Variants in SGCZ observed in about 807,000 individuals in gnomAD.
SGCZ encodes the protein zeta-sarcoglycan.
SGCZ carries 40 observed loss-of-function variants against 41.3 expected under a neutral mutation model. That is an observed-to-expected ratio of 0.97 (90% CI 0.75 to 1.26). The LOEUF (loss-of-function observed/expected upper bound fraction) is 1.26. Among genes scored for constraint, SGCZ ranks in the 50% most tolerant of loss-of-function variants. SGCZ has a pLI of 0.00. For missense variants in SGCZ, 552 were observed against 369.8 expected, an observed-to-expected ratio of 1.49 and a Z score of -4.04; for synonymous variants, 206 against 137.5, an observed-to-expected ratio of 1.50 and a Z score of -3.49.
intron 5 of SGCZ, among the ~76,000 whole-genome samples, chr8:14,112,849 T>C (rs1251957939): frequency 1.3e-5 from 2 of 151,952 alleles, no homozygotes. Flanking sequence ...CCTTAAATAC[T>C]AGTGGAAATG....
chr8:14,220,269 C>T (rs754864868), intron 4 of SGCZ, among the ~76,000 whole-genome samples: 1 of 151,890 alleles, frequency 6.6e-6, no homozygotes, highest in Non-Finnish European at 1.5e-5. Context: ...AACTACCATG[C>T]GCAATGGTAA....
chr8:14,983,583 G>T (rs140824300), intron 1 of SGCZ, among the ~76,000 whole-genome samples: 1 of 151,946 alleles, frequency 6.6e-6, no homozygotes, highest in African/African-American at 2.4e-5. Flanking sequence ...AGCCTCAAAC[G>T]CTCCTCCTAC....
chr8:15,126,414 G>C (rs960132977), intron 1 of SGCZ, among the ~76,000 whole-genome samples: 6 of 152,020 alleles, frequency 3.9e-5, no homozygotes, highest in Admixed American at 2.0e-4. Flanking sequence ...AATTAATTTA[G>C]TGACCACACA....
chr8:14,368,864 G>C (rs898768667), intron 2 of SGCZ, among the ~76,000 whole-genome samples: 1 of 151,696 alleles, frequency 6.6e-6, no homozygotes, highest in Non-Finnish European at 1.5e-5. Flanking sequence ...TGTTGCAAGA[G>C]GGGAAATCAA....
intron 2 of SGCZ, among the ~76,000 whole-genome samples, chr8:14,453,989 C>G (rs545430868): frequency 6.8e-6 from 1 of 147,270 alleles, no homozygotes; most frequent in Admixed American, 6.8e-5. Context: ...ATGACAGTGA[C>G]ACAAAAAAAA....
At chr8:14,136,837 A>T (rs1371245815) in intron 5 of SGCZ, among the ~76,000 whole-genome samples, 1 of 152,210 alleles carries the variant, frequency 6.6e-6, no homozygotes, top group African/African-American at 2.4e-5. Context: ...GAGAATGGAC[A>T]GACTGCCTCC....
intron 1 of SGCZ, among the ~76,000 whole-genome samples, chr8:14,912,515 T>C (rs924933964): frequency 3.9e-5 from 6 of 152,040 alleles, no homozygotes; most frequent in Admixed American, 2.0e-4. Context: ...TTTAAAGAAA[T>C]TGTGTACATC....
intron 2 of SGCZ, among the ~76,000 whole-genome samples, chr8:14,327,773 G>C (rs1462978160): frequency 6.6e-6 from 1 of 152,124 alleles, no homozygotes; most frequent in Non-Finnish European, 1.5e-5. Flanking sequence ...CTCTGTAAAT[G>C]TAGGACTGTT....
rs13249642 is a variant in SGCZ, at chr8:14,803,702, A to G, written c.40-248776T>C. On this transcript the variant is annotated intron_variant, in intron 1 of 7. Transcript: ENST00000382080. ...TGCTTAGGTAAACAAAGCAGCCAGG[A>G]AGCTCAAACTGGGTGGAGCCCACCA... 3.9e-3 allele frequency among the ~76,000 whole-genome samples: 589 copies of G among 151,982 alleles called. 2 individuals carry two copies. The highest frequency in any genetic ancestry group is 7.3e-3 in the Non-Finnish European group (497 of 67,982).
chr8:15,142,990 A>G (rs1798935562), intron 1 of SGCZ, among the ~76,000 whole-genome samples: 1 of 152,200 alleles, frequency 6.6e-6, no homozygotes, highest in African/African-American at 2.4e-5. Context: ...GGGTTAACCT[A>G]TAGTTTTGAG....
intron 1 of SGCZ, among the ~76,000 whole-genome samples, chr8:15,084,328 G>A (rs2131050814): frequency 6.6e-6 from 1 of 152,152 alleles, no homozygotes; most frequent in Non-Finnish European, 1.5e-5. Context: ...TGTCTGATAT[G>A]AATTACAACA....
chr8:14,427,960 A>T (rs900113058), intron 2 of SGCZ, among the ~76,000 whole-genome samples: 2 of 152,124 alleles, frequency 1.3e-5, no homozygotes, highest in African/African-American at 4.8e-5. Context: ...TCTAGAAATG[A>T]TTTAAAGTAT....
chr8:14,389,840 G>C (rs887432072), intron 2 of SGCZ, among the ~76,000 whole-genome samples: 5 of 151,952 alleles, frequency 3.3e-5, no homozygotes, highest in Non-Finnish European at 5.9e-5. Context: ...TAGTGTCTTA[G>C]TTTTCTCAAA....
At chr8:14,219,350 G>A (rs577320936) in intron 4 of SGCZ, among the ~76,000 whole-genome samples, 1 of 152,254 alleles carries the variant, frequency 6.6e-6, no homozygotes, top group South Asian at 2.1e-4. Flanking sequence ...AAGTTGATGA[G>A]ATGCAACAAA....
intron 1 of SGCZ, among the ~76,000 whole-genome samples, chr8:14,776,197 T>C (rs2256690): frequency 0.65 from 98,471 of 151,882 alleles, 32,685 homozygotes; most frequent in East Asian, 0.79. Flanking sequence ...TGACTGTGTC[T>C]CCACCCAAAT....
intron 1 of SGCZ, among the ~76,000 whole-genome samples, chr8:14,598,911 T>C (rs1209205806): frequency 1.3e-5 from 2 of 152,250 alleles, no homozygotes; most frequent in South Asian, 2.1e-4. Flanking sequence ...CCTCCCATGA[T>C]TTAGATTTTA....
chr8:14,822,918 G>A (rs1431316272), intron 1 of SGCZ, among the ~76,000 whole-genome samples: 3 of 152,024 alleles, frequency 2.0e-5, no homozygotes, highest in Non-Finnish European at 4.4e-5. Context: ...ACCAAATGTA[G>A]TGCCATGCCA....
chr8:15,046,815 C>A (rs985377842), intron 1 of SGCZ, among the ~76,000 whole-genome samples: 1 of 151,970 alleles, frequency 6.6e-6, no homozygotes, highest in African/African-American at 2.4e-5. Flanking sequence ...GACGTTATAC[C>A]AAACATGCTA....
In SGCZ at chr8:15,178,657, C is replaced by T. The variant is rs546117092; in HGVS notation, c.39+58928G>A. Among the ~76,000 whole-genome samples, 9 of 152,276 alleles carry T rather than the reference C, an allele frequency of 5.9e-5. No homozygotes were observed. In the South Asian group the frequency reaches 1.9e-3, roughly 32 times the overall value. On this transcript the variant is annotated intron_variant, in intron 1 of 7. Coordinates refer to ENST00000382080, the MANE Select transcript of SGCZ (RefSeq NM_139167.4). ...ACACTGTACCCATTGATTGCCAGTT[C>T]CCCATCTTCCTTTTAACATATTGGA...
Sources: gnomAD v4.1 joint callset for allele counts (sites outside exome capture counted in the v4.1 genomes callset) on GRCh38, gnomAD v4.1.1 for gene constraint, MANE v1.5 for transcripts, NCBI Gene and HGNC (gene_info 2026-07-23, HGNC 2026-07-21) for gene names.